Variants in BPIFB2 observed in about 807,000 individuals in gnomAD.
The protein encoded by BPIFB2 is BPI fold containing family B member 2.
Under a neutral mutation model 50.1 loss-of-function variants are expected in BPIFB2, and 39 were observed. The ratio of observed to expected loss-of-function variants is 0.78; its 90% CI spans 0.60 to 1.02. BPIFB2 has a LOEUF of 1.02. Among genes scored for constraint, BPIFB2 ranks in the 50% least tolerant of loss-of-function variants. BPIFB2 has a pLI of 0.00. For synonymous variants in BPIFB2, 280 were observed against 256.3 expected, an observed-to-expected ratio of 1.09 and a Z score of -0.88; for missense variants, 574 against 585.8, an observed-to-expected ratio of 0.98 and a Z score of 0.21.
chr20:33,020,621 G>T, intron 13 of BPIFB2, 34 bp downstream of exon 13: 1 of 1,572,816 alleles, frequency 6.4e-7, no homozygotes, highest in Non-Finnish European at 8.6e-7. Flanking sequence ...AGAAACCCCC[G>T]TCCTGGGTAG....
chr20:33,015,354 C>T lies in BPIFB2; in HGVS notation c.456-82C>T, dbSNP rs943634966. ...CTCCTGGCTGAGGATAGAGACTTCT[C>T]TTCCCAGACGTGCGACTGTGCTGAG... On this transcript the variant is annotated intron_variant, in intron 5 of 15. Transcript: ENST00000170150. The T allele has an allele frequency of 2.3e-6, 3 of 1,320,418 alleles. No homozygotes were observed. In the African/African-American group the frequency reaches 4.4e-5, roughly 20 times the overall value. 81.8% of individuals were successfully genotyped at this position (1,320,418 alleles called of 1,614,324 possible).
intron 13 of BPIFB2, 94 bp downstream of exon 13, chr20:33,020,681 G>C: frequency 1.5e-6 from 2 of 1,342,844 alleles, no homozygotes; most frequent in Non-Finnish European, 2.0e-6. Context: ...GTGCTGACCC[G>C]TGTGCCTGTG....
Position 33,019,597 on chromosome 20 carries a change from C to T in BPIFB2, c.927C>T (p.Pro309=), listed in dbSNP as rs750447121. ...CTCCCCAGGTGGCCCGCCAGTTTCC[C>T]GAGCCCATGCCTGTGGTGCTCAAGG... The part of the protein sequence containing the change: ...RLIPEVARQF[P]EPMPVVLKVR... Residue 309 remains proline (P), a synonymous_variant, in exon 11 of 16, where the codon CCC becomes CCT. Transcript: ENST00000170150. 17 of 1,589,028 alleles carry T rather than the reference C, an allele frequency of 1.1e-5. No individual in the cohort carries two copies. The East Asian group carries it at 1.1e-4, about 11-fold the overall frequency.
intron 13 of BPIFB2, 42 bp from the exon 14 acceptor site, chr20:33,021,239 C>T (rs1395033986): frequency 3.1e-6 from 5 of 1,604,884 alleles, no homozygotes; most frequent in Non-Finnish European, 4.3e-6. Context: ...CTCCTGGCCC[C>T]TCGGCTGGGA....
At chr20:33,019,244 C>T in intron 10 of BPIFB2, 129 bp downstream of exon 10, 1 of 1,165,474 alleles carries the variant, frequency 8.6e-7, no homozygotes, top group Non-Finnish European at 1.3e-6. Context: ...TAAACCTACT[C>T]CTCCATCTTG....
At chr20:33,020,646 C>G in intron 13 of BPIFB2, 59 bp downstream of exon 13, 1 of 1,510,994 alleles carries the variant, frequency 6.6e-7, no homozygotes, top group Non-Finnish European at 8.9e-7. Flanking sequence ...CACCTTGAGC[C>G]TGGGGAAGAG....
chr20:33,012,865 T>A lies in BPIFB2; in HGVS notation c.266T>A (p.Val89Glu). ...CTGAAATTCATTGCTGGTTTCGGAG[T>A]GCGCCTGCTGGCAGCAGCTAATTTT... The part of the protein sequence containing the change: ...LHLKFIAGFG[V>E]RLLAAANFTF... Residue 89 changes from valine (V) to glutamate (E), a missense_variant, in exon 4 of 16, where the codon GTG becomes GAG. Transcript: ENST00000170150. The A allele has an allele frequency of 6.2e-7, 1 of 1,613,944 alleles. No individual in the cohort carries two copies. The highest frequency in any genetic ancestry group is 8.5e-7 in the Non-Finnish European group (1 of 1,179,948).
chr20:33,015,574 A>T, intron 6 of BPIFB2, 78 bp downstream of exon 6: 1 of 1,271,598 alleles, frequency 7.9e-7, no homozygotes, highest in Non-Finnish European at 1.1e-6. Context: ...GTGGGATTTC[A>T]GGCAGGGGGT....
Position 33,018,673 on chromosome 20 carries a change from C to G in BPIFB2, c.706C>G (p.Pro236Ala). 1 of 1,613,936 alleles carries G rather than the reference C, an allele frequency of 6.2e-7. No homozygotes were observed. Among genetic ancestry groups the G allele is most frequent in the Non-Finnish European group, 8.5e-7 (1 of 1,179,914 alleles). ...LFLLGKPIIL[P>A]TDATPFVLPR... is the part of the protein sequence containing the mutation. ...CCTGCTGGGCAAGCCCATCATCCTG[C>G]CCACGGATGCCACCCCTTTTGTGTT... The change falls in exon 9 of 16, where the codon CCC becomes GCC. Residue 236 changes from proline (P) to alanine (A), a missense_variant. Pro to Ala is a conservative substitution (Grantham distance 27). Transcript: ENST00000170150.
chr20:33,007,780 G>T lies in BPIFB2; in HGVS notation c.-35+20G>T, dbSNP rs1990227607. On this transcript the variant is annotated intron_variant, in intron 1 of 15. Transcript: ENST00000170150. ...CCTGAGGTAGGCATGGGGCTGGGCT[G>T]GTACACCACTTCCAAGGAGGCTTGG... is the stretch of plus-strand genomic sequence containing the variant. The T allele has an allele frequency of 6.6e-6, 1 of 152,246 alleles. No homozygotes were observed. Among genetic ancestry groups the T allele is most frequent in the Non-Finnish European group, 1.5e-5 (1 of 68,114 alleles). The allele number at this position is 152,246 out of a possible 1,614,324, so 9.4% of individuals were successfully genotyped here. A position where few individuals can be genotyped will look rare whatever the true frequency, so the allele number is the denominator to read the frequency against.
At chr20:33,013,319 G>C (rs1990314287) in intron 4 of BPIFB2, among the ~76,000 whole-genome samples, 1 of 152,170 alleles carries the variant, frequency 6.6e-6, no homozygotes, top group African/African-American at 2.4e-5. Context: ...CATCTTGTAT[G>C]TTACTGCATT....
intron 1 of BPIFB2, among the ~76,000 whole-genome samples, 172 bp from the exon 2 acceptor site, chr20:33,008,369 G>C (rs1425537913): frequency 1.3e-5 from 2 of 152,202 alleles, no homozygotes; most frequent in Non-Finnish European, 2.9e-5. Context: ...GATGAAGCAA[G>C]CAAGGCAAGG....
At chr20:33,011,208 T>A in intron 3 of BPIFB2, 91 bp downstream of exon 3, 1 of 1,219,706 alleles carries the variant, frequency 8.2e-7, no homozygotes, top group African/African-American at 1.5e-5. Flanking sequence ...ACCGGGCATG[T>A]GCTCCTGCCT....
Position 33,017,022 on chromosome 20 carries a change from T to G in BPIFB2, c.517-20T>G. The G allele has an allele frequency of 6.2e-7, 1 of 1,613,280 alleles. No homozygotes were observed. The highest frequency in any genetic ancestry group is 8.5e-7 in the Non-Finnish European group (1 of 1,179,312). ...CAGGGCTGCCCTAACCCCAGCCTCCTTCTCTCTGTCTTACCACAGCTGTGC... is the reference window on the plus strand; with the variant it reads ...CAGGGCTGCCCTAACCCCAGCCTCCGTCTCTCTGTCTTACCACAGCTGTGC... On this transcript the variant is annotated intron_variant, in intron 6 of 15. Transcript: ENST00000170150.
chr20:33,021,767 C>G lies in BPIFB2; in HGVS notation c.1303C>G (p.His435Asp). ...GIALPGVVNLHYVAPEIFVYE... is the reference protein window; with the variant it reads ...GIALPGVVNLDYVAPEIFVYE... ...TGCCCTCCCTGGTGTGGTCAACCTC[C>G]ACTATGTCGCCCCTGAGATCTTTGT... is the stretch of plus-strand genomic sequence containing the variant. Residue 435 changes from histidine to aspartate, a missense_variant, in exon 15 of 16, where the codon CAC becomes GAC. By Grantham distance (81) the His-to-Asp change is moderately conservative (BLOSUM62 -1). Transcript: ENST00000170150. 1 of 1,614,150 alleles carries G rather than the reference C, an allele frequency of 6.2e-7. No individual in the cohort carries two copies. The highest frequency in any genetic ancestry group is 1.1e-5 in the South Asian group (1 of 91,078).
At chr20:33,015,929 G>A (rs1047945616) in intron 6 of BPIFB2, among the ~76,000 whole-genome samples, 2 of 152,186 alleles carry the variant, frequency 1.3e-5, no homozygotes, top group African/African-American at 4.8e-5. Context: ...AAGAGACAAA[G>A]CCCCTCCTCC....
rs114819626 is a variant in BPIFB2, at chr20:33,013,698, C to A, written c.309-112C>A. 9.7e-3 allele frequency: 14,126 copies of A among 1,458,400 alleles called. 1,137 individuals carry two copies. In the African/African-American group the frequency reaches 0.17, roughly 18 times the overall value. The allele number at this position is 1,458,400 out of a possible 1,614,324, so 90.3% of individuals were successfully genotyped here. ...TCTCACTCTGGGAGTGGGGGGCCTG[C>A]CTGGGCCAAGTGGAGGGCAGGCAGG... On this transcript the variant is annotated intron_variant, in intron 4 of 15. Coordinates refer to ENST00000170150, the MANE Select transcript of BPIFB2 (RefSeq NM_025227.3).
Position 33,023,100 on chromosome 20 carries a change from C to T in BPIFB2, c.1336-242C>T, listed in dbSNP as rs137893666. 2.2e-3 allele frequency among the ~76,000 whole-genome samples: 331 copies of T among 152,310 alleles called. 3 individuals carry two copies. Among genetic ancestry groups the T allele is most frequent in the African/African-American group, 7.3e-3 (302 of 41,568 alleles). ...ATAAAGCATCAGTGGTATCCACCAT[C>T]GGAGCAGCAACCAGTGCCTTCCATG... is the stretch of plus-strand genomic sequence containing the variant. On this transcript the variant is annotated intron_variant, in intron 15 of 15. Transcript: ENST00000170150.
chr20:33,011,847 C>T (rs112328315), intron 3 of BPIFB2, among the ~76,000 whole-genome samples: 170 of 152,124 alleles, frequency 1.1e-3, no homozygotes, highest in African/African-American at 3.8e-3. Context: ...GGAGTGGTGG[C>T]GTGTGCCTGT....
Sources: gnomAD v4.1 joint callset for allele counts (sites outside exome capture counted in the v4.1 genomes callset) on GRCh38, gnomAD v4.1.1 for gene constraint, MANE v1.5 for transcripts, NCBI Gene and HGNC (gene_info 2026-07-23, HGNC 2026-07-21) for gene names.